GPR26: variants seen among roughly 807,000 people sequenced by gnomAD.
GPR26 encodes G protein-coupled receptor 26.
Under a neutral mutation model 23.1 loss-of-function variants are expected in GPR26, and 15 were observed. That is an observed-to-expected ratio of 0.65 (90% CI 0.43 to 1.00). GPR26 has a LOEUF of 1.00. Ranked by LOEUF, GPR26 falls within the 50% of genes least tolerant of loss-of-function variation. The pLI, the probability that GPR26 is intolerant of heterozygous loss-of-function variation, is 0.00. For synonymous variants in GPR26, 228 were observed against 222.1 expected, an observed-to-expected ratio of 1.03 and a Z score of -0.24; for missense variants, 359 against 470.5, an observed-to-expected ratio of 0.76 and a Z score of 2.19.
intron 2 of GPR26, among the ~76,000 whole-genome samples, chr10:123,686,272 G>C (rs1411298720): frequency 6.6e-6 from 1 of 152,224 alleles, no homozygotes. Flanking sequence ...TTGGCATTCA[G>C]CTAATTCATT....
chr10:123,682,293 G>A lies in GPR26; in HGVS notation c.783-5636G>A, dbSNP rs569865073. On this transcript the variant is annotated intron_variant, in intron 2 of 2. Transcript: ENST00000284674. ...GAGTTCCCAAGAGACCATCAGCACT[G>A]GTAGCCAGAGCCACTGGCAGATGCA... Among the ~76,000 whole-genome samples, 10 of 152,304 alleles carry A rather than the reference G, an allele frequency of 6.6e-5. No individual in the cohort carries two copies. In the East Asian group the frequency reaches 9.6e-4, roughly 15 times the overall value.
intron 2 of GPR26, among the ~76,000 whole-genome samples, chr10:123,687,204 C>T (rs1470097648): frequency 6.6e-6 from 1 of 152,096 alleles, no homozygotes; most frequent in East Asian, 1.9e-4. Flanking sequence ...TCAAAGACCA[C>T]CAGGATCCGA....
At chr10:123,667,763 A>G (rs145958294) in intron 1 of GPR26, among the ~76,000 whole-genome samples, 61 of 151,986 alleles carry the variant, frequency 4.0e-4, no homozygotes, top group African/African-American at 1.4e-3. Flanking sequence ...CTGGGGCTGA[A>G]TCTGCCCCCA....
intron 2 of GPR26, among the ~76,000 whole-genome samples, chr10:123,677,672 T>C (rs534348154): frequency 3.3e-4 from 51 of 152,280 alleles, no homozygotes; most frequent in South Asian, 1.5e-3. Context: ...CACTGTGTCA[T>C]GGGAAAGGCC....
intron 1 of GPR26, among the ~76,000 whole-genome samples, chr10:123,671,275 C>A (rs1313959005): frequency 3.3e-5 from 5 of 152,198 alleles, no homozygotes; most frequent in African/African-American, 1.2e-4. Context: ...GTGCCATCCC[C>A]TCTGCCCTAT....
chr10:123,668,448 T>C (rs1328693448), intron 1 of GPR26, among the ~76,000 whole-genome samples: 1 of 152,168 alleles, frequency 6.6e-6, no homozygotes, highest in African/African-American at 2.4e-5. Context: ...TACCAGGCCA[T>C]GTAAACGTGG....
Position 123,693,346 on chromosome 10 carries a change from C to T in GPR26, c.*5186C>T, listed in dbSNP as rs2195098. The T allele has an allele frequency of 0.14, 21,755 of 152,250 alleles. 1,920 individuals carry two copies. The highest frequency in any genetic ancestry group is 0.22 in the East Asian group (1,128 of 5,166). 9.4% of individuals were successfully genotyped at this position (152,250 alleles called of 1,614,324 possible). A position where few individuals can be genotyped will look rare whatever the true frequency, so the allele number is the denominator to read the frequency against. ...CCCTGAAACTCTGGGCCAGCAGCCC[C>T]CAGGAGCATCAGTAGGACCCAGCAT... On this transcript the variant is annotated 3_prime_UTR_variant, in exon 3 of 3. Coordinates refer to ENST00000284674, the MANE Select transcript of GPR26 (RefSeq NM_153442.4).
rs1228377907 is a variant in GPR26, at chr10:123,696,967, G to A, written c.*8807G>A. On this transcript the variant is annotated 3_prime_UTR_variant, in exon 3 of 3. Coordinates refer to ENST00000284674, the MANE Select transcript of GPR26 (RefSeq NM_153442.4). The stretch of plus-strand genomic sequence containing the variant: ...TGTGCCCGTGATTATATGCATATGG[G>A]TGAATGTTTGTGTGCCCGTGATTAT... Among the ~76,000 whole-genome samples, 1 of 152,140 alleles carries A rather than the reference G, an allele frequency of 6.6e-6. No individual in the cohort carries two copies. Among genetic ancestry groups the A allele is most frequent in the African/African-American group, 2.4e-5 (1 of 41,414 alleles).
chr10:123,675,015 G>C lies in GPR26; in HGVS notation c.782+84G>C, dbSNP rs996327648. On this transcript the variant is annotated intron_variant, in intron 2 of 2. Transcript: ENST00000284674. ...CCTTTAGCAGTGGCAGCCTCTCTTG[G>C]CCACACGTTCTTCTGCACGGTGTGT... 30 of 803,812 alleles carry C rather than the reference G, an allele frequency of 3.7e-5. No individual in the cohort carries two copies. In the African/African-American group the frequency reaches 5.1e-4, roughly 14 times the overall value. 49.8% of individuals were successfully genotyped at this position (803,812 alleles called of 1,614,324 possible).
chr10:123,667,412 T>C (rs1403510154), intron 1 of GPR26, among the ~76,000 whole-genome samples: 2 of 152,170 alleles, frequency 1.3e-5, no homozygotes, highest in Non-Finnish European at 1.5e-5. Context: ...TGGTCTTTGT[T>C]CCCTATTAAA....
rs986820867 is a variant in GPR26 at position 123,697,209 on chromosome 10, A to G, written c.*9049A>G. Reference sequence around the variant, plus strand: ...CCTTCTGTGTAATCCACTTGCCAACAGCTGTTTTCTGTTGAAATGGGACTC... The same window carrying G: ...CCTTCTGTGTAATCCACTTGCCAACGGCTGTTTTCTGTTGAAATGGGACTC... On this transcript the variant is annotated 3_prime_UTR_variant, in exon 3 of 3. Transcript: ENST00000284674. 1.3e-5 allele frequency among the ~76,000 whole-genome samples: 2 copies of G among 152,212 alleles called. No individual in the cohort carries two copies. The highest frequency in any genetic ancestry group is 2.9e-5 in the Non-Finnish European group (2 of 68,044).
At chr10:123,667,561 C>CTCTGTGTGTGTGTGTG (rs1175317398) in intron 1 of GPR26, among the ~76,000 whole-genome samples, 1 of 124,998 alleles carries the variant, frequency 8.0e-6, no homozygotes, top group African/African-American at 3.1e-5. Context: ...TGTCTCACGA[C>CTCTGTGTGTGTGTGTG]TGTGTGTGTG....
intron 2 of GPR26, among the ~76,000 whole-genome samples, chr10:123,683,004 G>A (rs1366840942): frequency 6.6e-6 from 1 of 150,816 alleles, no homozygotes; most frequent in East Asian, 1.9e-4. Flanking sequence ...GTATACATGT[G>A]TATGTATGTA....
Position 123,692,594 on chromosome 10 carries a change from C to G in GPR26, c.*4434C>G, listed in dbSNP as rs1043190710. ...CCTGGTGTTGGCTCTGGGACCTGGGCTGGGCCGGACCTGGGGAGAGGGTGG... is the reference window on the plus strand; with the variant it reads ...CCTGGTGTTGGCTCTGGGACCTGGGGTGGGCCGGACCTGGGGAGAGGGTGG... On this transcript the variant is annotated 3_prime_UTR_variant, in exon 3 of 3. Transcript: ENST00000284674. The G allele has an allele frequency of 6.6e-6, 1 of 152,664 alleles. No homozygotes were observed. Among genetic ancestry groups the G allele is most frequent in the Non-Finnish European group, 1.5e-5 (1 of 68,362 alleles). The allele number at this position is 152,664 out of a possible 1,614,324, so 9.5% of individuals were successfully genotyped here.
intron 2 of GPR26, among the ~76,000 whole-genome samples, chr10:123,678,277 G>T (rs115446948): frequency 0.033 from 4,950 of 152,232 alleles, 275 homozygotes; most frequent in African/African-American, 0.11. Context: ...GGGGTGTGAG[G>T]TGTGCCAGTG....
rs940574515 is a variant in GPR26, at chr10:123,688,527, C to A, written c.*367C>A. On this transcript the variant is annotated 3_prime_UTR_variant, in exon 3 of 3. Coordinates refer to ENST00000284674, the MANE Select transcript of GPR26 (RefSeq NM_153442.4). ...ATGGTGTCCACCTGCCTGCTGACCACTGGACGCTGCTCCATGCTGAAGAAA... is the reference window on the plus strand; with the variant it reads ...ATGGTGTCCACCTGCCTGCTGACCAATGGACGCTGCTCCATGCTGAAGAAA... 3.4e-6 allele frequency: 1 copy of A among 292,102 alleles called. No homozygotes were observed. The highest frequency in any genetic ancestry group is 4.7e-5 in the Admixed American group (1 of 21,256). 18.1% of individuals were successfully genotyped at this position (292,102 alleles called of 1,614,324 possible).
intron 2 of GPR26, among the ~76,000 whole-genome samples, chr10:123,686,930 G>A (rs1327241737): frequency 6.6e-6 from 1 of 152,128 alleles, no homozygotes; most frequent in East Asian, 1.9e-4. Flanking sequence ...CAGCTCTGTG[G>A]GTCTTTTCTA....
chr10:123,696,883 A>G lies in GPR26; in HGVS notation c.*8723A>G, dbSNP rs1227555382. Among the ~76,000 whole-genome samples the G allele has an allele frequency of 1.4e-5, 2 of 144,698 alleles. No individual in the cohort carries two copies. The highest frequency in any genetic ancestry group is 2.9e-5 in the Non-Finnish European group (2 of 67,950). 94.9% of individuals were successfully genotyped at this position (144,698 alleles called of 152,430 possible). ...GGTGAATGTTTGTGTGCCCATGAGT[A>G]TATGCATACGGGTGAATGTTTGTGT... On this transcript the variant is annotated 3_prime_UTR_variant, in exon 3 of 3. Coordinates refer to ENST00000284674, the MANE Select transcript of GPR26 (RefSeq NM_153442.4).
rs1033672106 is a variant in GPR26, at chr10:123,689,080, G to A, written c.*920G>A. On this transcript the variant is annotated 3_prime_UTR_variant, in exon 3 of 3. Transcript: ENST00000284674. ...ATGCATCTTATCTGGCATGTCCTGGGAGATGGATGGGCAAGAACTGGCCTG... is the reference window on the plus strand; with the variant it reads ...ATGCATCTTATCTGGCATGTCCTGGAAGATGGATGGGCAAGAACTGGCCTG... 1.3e-5 allele frequency: 2 copies of A among 152,198 alleles called. No individual in the cohort carries two copies. Among genetic ancestry groups the A allele is most frequent in the African/African-American group, 2.4e-5 (1 of 41,430 alleles). The allele number at this position is 152,198 out of a possible 1,614,324, so 9.4% of individuals were successfully genotyped here. A position where few individuals can be genotyped will look rare whatever the true frequency, so the allele number is the denominator to read the frequency against.
Sources: gnomAD v4.1 joint callset for allele counts (sites outside exome capture counted in the v4.1 genomes callset) on GRCh38, gnomAD v4.1.1 for gene constraint, MANE v1.5 for transcripts, NCBI Gene and HGNC (gene_info 2026-07-23, HGNC 2026-07-21) for gene names.